Variants in LRRIQ1 observed in about 807,000 individuals in gnomAD.
LRRIQ1 encodes leucine-rich repeat- and IQ domain-containing protein 1.
A neutral mutation model predicts 211.9 loss-of-function variants in LRRIQ1; 210 were observed. The observed-to-expected ratio is 0.99, with a 90% CI of 0.89 to 1.11. The LOEUF is 1.11. LRRIQ1 is among the 50% of genes most tolerant of loss of function. The probability of loss-of-function intolerance (pLI) is 0.00; values close to 1 mark genes in which losing one functional copy is unlikely to be tolerated. For missense variants in LRRIQ1, 2,136 were observed against 1,939.5 expected (o/e 1.10, Z -1.90); for synonymous variants, 699 against 650.1 (o/e 1.08, Z -1.14).
At chr12:85,089,344 G>A (rs1374257875) in intron 11 of LRRIQ1, among the ~76,000 whole-genome samples, 1 of 152,184 alleles carries the variant, frequency 6.6e-6, no homozygotes, top group African/African-American at 2.4e-5. Flanking sequence ...TTTTGAAACA[G>A]CTTTGGAACT....
intron 24 of LRRIQ1, among the ~76,000 whole-genome samples, chr12:85,193,555 T>A (rs1892716326): frequency 6.8e-6 from 1 of 146,078 alleles, no homozygotes; most frequent in Non-Finnish European, 1.5e-5. Context: ...ACCCAGAATT[T>A]CATATCCAGC....
At chr12:85,062,894 C>T (rs1882003227) in intron 8 of LRRIQ1, among the ~76,000 whole-genome samples, 1 of 151,784 alleles carries the variant, frequency 6.6e-6, no homozygotes, top group Non-Finnish European at 1.5e-5. Context: ...AAAAGCCATT[C>T]TAATTGGTGT....
chr12:85,098,652 AT>A (rs1886105501), intron 12 of LRRIQ1, 104 bp downstream of exon 12: 3 of 948,018 alleles, frequency 3.2e-6, no homozygotes, highest in East Asian at 2.6e-5. Context: ...TATTTTGTTC[AT>A]TTTTCACCAT....
At chr12:85,128,611 C>G (rs889791179) in intron 18 of LRRIQ1, among the ~76,000 whole-genome samples, 1 of 152,008 alleles carries the variant, frequency 6.6e-6, no homozygotes, top group Non-Finnish European at 1.5e-5. Flanking sequence ...AAAACAACAA[C>G]AACAACTTCT....
At chr12:85,077,400 A>C (rs1883779476) in intron 11 of LRRIQ1, among the ~76,000 whole-genome samples, 1 of 152,326 alleles carries the variant, frequency 6.6e-6, no homozygotes, top group South Asian at 2.1e-4. Context: ...AATATATTTA[A>C]CCAGTAAGCT....
At chr12:85,066,632 A>G in intron 9 of LRRIQ1, 116 bp from the exon 10 acceptor site, 1 of 666,380 alleles carries the variant, frequency 1.5e-6, no homozygotes, top group Non-Finnish European at 2.3e-6. Context: ...GAAGTTAAAG[A>G]TTCAGATATT....
intron 1 of LRRIQ1, among the ~76,000 whole-genome samples, chr12:85,250,832 T>G (rs1201490063): frequency 9.5e-6 from 1 of 105,082 alleles, no homozygotes; most frequent in South Asian, 2.6e-4. Context: ...ATATTATAGA[T>G]TATATATTAT....
In LRRIQ1 at chr12:85,170,990, A is replaced by G. The variant is rs570014595; in HGVS notation, c.4822+10276A>G. Among the ~76,000 whole-genome samples the G allele has an allele frequency of 5.1e-4, 78 of 152,274 alleles. No individual in the cohort carries two copies. In the South Asian group the frequency reaches 0.013, roughly 25 times the overall value. ...ATCTCCACAGTTTTTCATATAAAAT[A>G]TCTGGCACACAGTGAAAAATAAACA... is the stretch of plus-strand genomic sequence containing the variant. On this transcript the variant is annotated intron_variant, in intron 24 of 26. Transcript: ENST00000393217.
intron 24 of LRRIQ1, among the ~76,000 whole-genome samples, chr12:85,165,946 G>A (rs1235045371): frequency 2.6e-5 from 4 of 152,024 alleles, no homozygotes; most frequent in Non-Finnish European, 5.9e-5. Flanking sequence ...TTTTCCTTTG[G>A]GTTTATACCC....
At chr12:85,114,498 T>A (rs1887428190) in intron 15 of LRRIQ1, among the ~76,000 whole-genome samples, 1 of 152,166 alleles carries the variant, frequency 6.6e-6, no homozygotes, top group African/African-American at 2.4e-5. Flanking sequence ...ATCATTTTGT[T>A]TGCATGAAGC....
chr12:85,072,736 C>CT (rs1159342303), intron 10 of LRRIQ1, among the ~76,000 whole-genome samples, 171 bp from the exon 11 acceptor site: 1 of 151,492 alleles, frequency 6.6e-6, no homozygotes, highest in Non-Finnish European at 1.5e-5. Flanking sequence ...ACCTGGCCAT[C>CT]TTTTTTATTT....
At chr12:85,058,630 G>GC (rs548311883) in intron 8 of LRRIQ1, among the ~76,000 whole-genome samples, 87 of 152,048 alleles carry the variant, frequency 5.7e-4, no homozygotes, top group Non-Finnish European at 1.0e-3. Context: ...TTCTTCTCCA[G>GC]CTGACTCTCT....
At chr12:85,239,321 C>T (rs896388752) in intron 26 of LRRIQ1, among the ~76,000 whole-genome samples, 1 of 151,106 alleles carries the variant, frequency 6.6e-6, no homozygotes. Flanking sequence ...GAATTCAAGA[C>T]TTGCTATCAA....
At chr12:85,162,824 T>C (rs7971976) in intron 24 of LRRIQ1, 94,268 of 455,598 alleles carry the variant, frequency 0.21, 11,174 homozygotes, top group Middle Eastern at 0.32. Context: ...ATTTCATTAA[T>C]TTCACTGAAT....
chr12:85,190,710 T>C (rs939792757), intron 24 of LRRIQ1, among the ~76,000 whole-genome samples: 2 of 151,906 alleles, frequency 1.3e-5, no homozygotes, highest in Non-Finnish European at 2.9e-5. Flanking sequence ...AGCATTCTTA[T>C]CTTTTAAATG....
intron 24 of LRRIQ1, among the ~76,000 whole-genome samples, chr12:85,168,456 C>T (rs1200021459): frequency 2.0e-5 from 3 of 152,110 alleles, no homozygotes; most frequent in African/African-American, 4.8e-5. Context: ...AGCCAGGTGG[C>T]AATCTTAACT....
chr12:85,048,988 C>T (rs1039962724), intron 6 of LRRIQ1, among the ~76,000 whole-genome samples: 2 of 152,088 alleles, frequency 1.3e-5, no homozygotes, highest in Non-Finnish European at 2.9e-5. Flanking sequence ...ACAGCAAATC[C>T]CACCCTCAAA....
At chr12:85,151,057 T>C (rs1011843050) in intron 19 of LRRIQ1, among the ~76,000 whole-genome samples, 3 of 151,472 alleles carry the variant, frequency 2.0e-5, no homozygotes, top group African/African-American at 7.3e-5. Context: ...AAAAGAGCTC[T>C]TGAATTTATT....
At chr12:85,199,967 C>T (rs1417656709) in intron 24 of LRRIQ1, among the ~76,000 whole-genome samples, 2 of 152,110 alleles carry the variant, frequency 1.3e-5, no homozygotes, top group African/African-American at 4.8e-5. Context: ...TTTTTGGTAT[C>T]ATATGAATTT....
Sources: gnomAD v4.1 joint callset for allele counts (sites outside exome capture counted in the v4.1 genomes callset) on GRCh38, gnomAD v4.1.1 for gene constraint, MANE v1.5 for transcripts, NCBI Gene and HGNC (gene_info 2026-07-23, HGNC 2026-07-21) for gene names.